RASEF: variants seen among roughly 807,000 people sequenced by gnomAD.
RASEF encodes the protein ras and EF-hand domain-containing protein.
In RASEF, 68 loss-of-function variants were observed where a neutral mutation model predicts 90.1. The observed-to-expected ratio is 0.75, with a 90% CI of 0.62 to 0.92. The LOEUF is 0.92. Ranked by LOEUF, RASEF falls within the 40% of genes least tolerant of loss-of-function variation. The probability of loss-of-function intolerance (pLI) is 0.00; values close to 1 mark genes in which losing one functional copy is unlikely to be tolerated. For synonymous variants in RASEF, 331 were observed against 345.2 expected (o/e 0.96, Z 0.46); for missense variants, 949 against 937.2 (o/e 1.01, Z -0.16).
the RASEF span, among the ~76,000 whole-genome samples, chr9:83,197,793 AT>A: frequency 6.6e-6 from 1 of 152,158 alleles, no homozygotes; most frequent in Admixed American, 6.5e-5. Context: ...AGTCTGACAG[AT>A]TAGGCCAGTT....
chr9:83,016,019 G>A (rs1166292209), intron 3 of RASEF, 119 bp from the exon 4 acceptor site: 1 of 710,544 alleles, frequency 1.4e-6, no homozygotes, highest in Admixed American at 2.4e-5. Context: ...TCCTACACAG[G>A]GAAGGTGAGA....
chr9:83,184,150 C>G, the RASEF span, among the ~76,000 whole-genome samples: 16 of 152,286 alleles, frequency 1.1e-4, no homozygotes, highest in Non-Finnish European at 1.3e-4. Flanking sequence ...GAATGACGTT[C>G]TTGTCAATGC....
chr9:83,000,857 C>T (rs767954363), intron 10 of RASEF, 39 bp downstream of exon 10: 45 of 1,512,674 alleles, frequency 3.0e-5, no homozygotes, highest in East Asian at 1.8e-4. Flanking sequence ...ATTTCAATCA[C>T]GTAGAAGGCC....
the RASEF span, among the ~76,000 whole-genome samples, chr9:83,132,178 A>C: frequency 6.6e-6 from 1 of 152,166 alleles, no homozygotes; most frequent in Non-Finnish European, 1.5e-5. Context: ...AACTTCCAAG[A>C]TTATGTCATA....
the RASEF span, among the ~76,000 whole-genome samples, chr9:83,114,897 T>C: frequency 6.6e-6 from 1 of 152,208 alleles, no homozygotes; most frequent in African/African-American, 2.4e-5. Context: ...ATTTACCTTG[T>C]GATATCTTAT....
chr9:83,092,223 C>G, the RASEF span, among the ~76,000 whole-genome samples: 1 of 151,824 alleles, frequency 6.6e-6, no homozygotes, highest in Non-Finnish European at 1.5e-5. Flanking sequence ...AATCTTCAAA[C>G]GTGAACCAAT....
chr9:82,987,676 A>G (rs1587474463), intron 16 of RASEF, among the ~76,000 whole-genome samples: 3 of 152,240 alleles, frequency 2.0e-5, no homozygotes, highest in South Asian at 4.1e-4. Flanking sequence ...ATATGACCCC[A>G]TAAGACAACT....
intron 7 of RASEF, 88 bp from the exon 8 acceptor site, chr9:83,005,588 T>G (rs1052162720): frequency 2.0e-6 from 2 of 984,654 alleles, no homozygotes; most frequent in African/African-American, 1.6e-5. Context: ...GCTGTAACAT[T>G]CAGAATGTGG....
At chr9:83,144,371 GAAA>G in the RASEF span, among the ~76,000 whole-genome samples, 12 of 28,000 alleles carry the variant, frequency 4.3e-4, no homozygotes, top group South Asian at 9.8e-4. Context: ...AAGAAAGAAA[GAAA>G]GAAAGAAAGA....
At chr9:83,056,563 C>G (rs1389599466) in intron 1 of RASEF, among the ~76,000 whole-genome samples, 2 of 152,174 alleles carry the variant, frequency 1.3e-5, no homozygotes, top group East Asian at 3.8e-4. Context: ...TATGATACGG[C>G]TACTTTCATT....
At chr9:83,074,655 T>C in the RASEF span, among the ~76,000 whole-genome samples, 2 of 152,220 alleles carry the variant, frequency 1.3e-5, no homozygotes, top group African/African-American at 4.8e-5. Flanking sequence ...GTCTCACTCA[T>C]TAGCTTTCAC....
the RASEF span, among the ~76,000 whole-genome samples, chr9:83,110,134 C>A: frequency 1.3e-5 from 2 of 152,256 alleles, no homozygotes; most frequent in Non-Finnish European, 2.9e-5. Context: ...AGCCTCAGAG[C>A]AATTAGCATG....
At chr9:82,991,386 T>C (rs1050831406) in intron 15 of RASEF, among the ~76,000 whole-genome samples, 11 of 152,202 alleles carry the variant, frequency 7.2e-5, no homozygotes, top group African/African-American at 1.9e-4. Context: ...TGCACAGCAA[T>C]TGCCACAATT....
At chr9:83,162,190 A>G in the RASEF span, among the ~76,000 whole-genome samples, 1 of 152,240 alleles carries the variant, frequency 6.6e-6, no homozygotes, top group South Asian at 2.1e-4. Context: ...TTTAGAGAAC[A>G]TAGTATAATA....
rs1475480287 is a variant in RASEF, at chr9:83,027,553, T to G, written c.432-1632A>C. ...CTACATATTTCTTATTGTATCACAC[T>G]ATTTATTTGTGACAGTCCTCATAGT... is the stretch of plus-strand genomic sequence containing the variant. On this transcript the variant is annotated intron_variant, in intron 1 of 16. Coordinates refer to ENST00000376447, the MANE Select transcript of RASEF (RefSeq NM_152573.4). 2.0e-5 allele frequency among the ~76,000 whole-genome samples: 3 copies of G among 151,108 alleles called. No individual in the cohort carries two copies. In the East Asian group the frequency reaches 5.8e-4, roughly 29 times the overall value.
the RASEF span, among the ~76,000 whole-genome samples, chr9:83,078,094 T>G: frequency 6.6e-6 from 1 of 152,326 alleles, no homozygotes; most frequent in East Asian, 1.9e-4. Flanking sequence ...TGTTAGAAAC[T>G]TTGAGGTGTC....
At chr9:83,145,474 G>A in the RASEF span, among the ~76,000 whole-genome samples, 1 of 151,710 alleles carries the variant, frequency 6.6e-6, no homozygotes. Flanking sequence ...GTTCGTTTAG[G>A]GCCCAGTAGG....
At chr9:83,171,764 T>A in the RASEF span, among the ~76,000 whole-genome samples, 1 of 151,782 alleles carries the variant, frequency 6.6e-6, no homozygotes, top group African/African-American at 2.4e-5. Flanking sequence ...TCCTTTATAG[T>A]ATTTCCTTTG....
the RASEF span, among the ~76,000 whole-genome samples, chr9:83,092,611 G>A: frequency 6.6e-6 from 1 of 152,188 alleles, no homozygotes; most frequent in Non-Finnish European, 1.5e-5. Flanking sequence ...GACCCAAAGA[G>A]TGAGCAGTAG....
Sources: gnomAD v4.1 joint callset for allele counts (sites outside exome capture counted in the v4.1 genomes callset) on GRCh38, gnomAD v4.1.1 for gene constraint, MANE v1.5 for transcripts, NCBI Gene and HGNC (gene_info 2026-07-23, HGNC 2026-07-21) for gene names.